The following PUDP variants were observed in gnomAD, a reference collection of about 807,000 sequenced individuals.
The protein encoded by PUDP is pseudouridine 5'-phosphatase.
A neutral mutation model predicts 9.4 loss-of-function variants in PUDP; 8 were observed. The ratio of observed to expected loss-of-function variants is 0.85; its 90% CI spans 0.50 to 1.53. PUDP has a LOEUF of 1.53. Among genes scored for constraint, PUDP ranks in the 40% most tolerant of loss-of-function variants. The pLI is 0.00. For synonymous variants in PUDP, 99 were observed against 80.7 expected (o/e 1.23, Z -1.22); for missense variants, 188 against 189.7 (o/e 0.99, Z 0.05).
In PUDP at chrX:7,049,418, A is replaced by C. The variant is rs1289973858; in HGVS notation, c.*878T>G. The C allele has an allele frequency of 2.7e-5, 3 of 112,723 alleles. No individual in the cohort carries two copies. The highest frequency in any genetic ancestry group is 9.7e-5 in the African/African-American group (3 of 30,932). The allele number at this position is 112,723 out of a possible 1,213,427, so 9.3% of individuals were successfully genotyped here. On this transcript the variant is annotated 3_prime_UTR_variant, in exon 4 of 4. Coordinates refer to ENST00000381077, the MANE Select transcript of PUDP (RefSeq NM_012080.5). The stretch of plus-strand genomic sequence containing the variant: ...GAAATCAAATTCTATTTCTATCCAA[A>C]AAGTGCAGCCCATCAGTGTTCTTAA...
rs771195956 is a variant in PUDP at position 6,876,862 on chromosome X, TAC to T, written c.*247+100269_*247+100270del. ...ATATATACATATAGACATATGTGTA[TAC>T]ACACACATATAAATATAGACACATA... On this transcript the variant is annotated intron_variant and NMD_transcript_variant, in intron 3 of 3. Transcript: ENST00000655425. Among the ~76,000 whole-genome samples the T allele has an allele frequency of 3.6e-5, 4 of 110,549 alleles. No homozygotes were observed. The South Asian group carries it at 1.1e-3, about 32-fold the overall frequency.
chrX:6,711,992 G>A (rs1469298030), intron 1 of PUDP, among the ~76,000 whole-genome samples: 3 of 111,926 alleles, frequency 2.7e-5, no homozygotes, highest in Admixed American at 9.4e-5. Context: ...CCTGGAGTCA[G>A]CATACTCGGG....
At chrX:7,065,300 C>T (rs555227602) in intron 3 of PUDP, among the ~76,000 whole-genome samples, 1 of 112,598 alleles carries the variant, frequency 8.9e-6, no homozygotes, top group African/African-American at 3.2e-5. Context: ...AAGATGCTTT[C>T]GAGTTTTTGT....
intron 3 of PUDP, among the ~76,000 whole-genome samples, chrX:6,821,093 C>A (rs1926334275): frequency 9.0e-6 from 1 of 111,029 alleles, no homozygotes; most frequent in South Asian, 3.9e-4. Flanking sequence ...AGTTCCAACC[C>A]TGCCAAGGGT....
At chrX:7,067,834 G>A (rs1291091770) in intron 3 of PUDP, among the ~76,000 whole-genome samples, 1 of 111,584 alleles carries the variant, frequency 9.0e-6, no homozygotes, top group Non-Finnish European at 1.9e-5. Flanking sequence ...TCGGTGGAAG[G>A]TAATTGAATC....
intron 3 of PUDP, among the ~76,000 whole-genome samples, chrX:6,726,820 G>A (rs1306859378): frequency 9.0e-6 from 1 of 111,239 alleles, no homozygotes; most frequent in Non-Finnish European, 1.9e-5. Flanking sequence ...AATTGAAGTC[G>A]ATTCATTTAA....
At chrX:6,961,881 C>T (rs962092703) in intron 3 of PUDP, among the ~76,000 whole-genome samples, 3 of 111,788 alleles carry the variant, frequency 2.7e-5, no homozygotes, top group Non-Finnish European at 5.6e-5. Flanking sequence ...CTTCTTTATG[C>T]TAAGAAAGAA....
chrX:7,063,145 T>C (rs1035981051), intron 3 of PUDP, among the ~76,000 whole-genome samples: 1 of 111,417 alleles, frequency 9.0e-6, no homozygotes, highest in Non-Finnish European at 1.9e-5. Flanking sequence ...AACAACACCA[T>C]ACAAATGAAT....
intron 3 of PUDP, among the ~76,000 whole-genome samples, chrX:6,809,605 C>G (rs953365919): frequency 4.5e-5 from 5 of 110,696 alleles, no homozygotes; most frequent in African/African-American, 1.6e-4. Flanking sequence ...CCCTATATGC[C>G]TTTTTAAAAT....
At chrX:6,912,495 T>A (rs1162152529) in intron 3 of PUDP, among the ~76,000 whole-genome samples, 1 of 112,130 alleles carries the variant, frequency 8.9e-6, no homozygotes, top group Non-Finnish European at 1.9e-5. Context: ...ATTTTCCCTC[T>A]TCCTGGCTGT....
intron 3 of PUDP, among the ~76,000 whole-genome samples, chrX:6,788,207 A>G (rs1196736767): frequency 2.7e-5 from 3 of 112,146 alleles, no homozygotes; most frequent in Non-Finnish European, 5.6e-5. Flanking sequence ...GACAGTATTC[A>G]ATAAGTTACA....
Position 6,858,637 on chromosome X carries a change from ATAAAAC to A in PUDP, c.*247+118490_*247+118495del, listed in dbSNP as rs748413250. ...ACCCAGCCTATGTGTATCCTTTGTA[ATAAAAC>A]TATAACTGTTAAGTATAGTACTTCC... On this transcript the variant is annotated intron_variant and NMD_transcript_variant, in intron 3 of 3. Transcript: ENST00000655425. Among the ~76,000 whole-genome samples the A allele has an allele frequency of 3.1e-3, 342 of 111,831 alleles. 1 individual carries two copies. Among genetic ancestry groups the A allele is most frequent in the African/African-American group, 0.011 (330 of 30,825 alleles).
At chrX:7,117,204 C>T (rs1268217985) in intron 1 of PUDP, among the ~76,000 whole-genome samples, 1 of 111,821 alleles carries the variant, frequency 8.9e-6, no homozygotes, top group Non-Finnish European at 1.9e-5. Context: ...GGGTAACAGG[C>T]AGAGGTTGGA....
intron 3 of PUDP, among the ~76,000 whole-genome samples, chrX:6,934,844 T>C (rs1282116632): frequency 3.2e-5 from 3 of 92,413 alleles, no homozygotes; most frequent in African/African-American, 1.2e-4. Context: ...TAGTCTCTGA[T>C]GAAACAGACT....
At chrX:6,795,746 T>C (rs1925833897) in intron 3 of PUDP, among the ~76,000 whole-genome samples, 1 of 111,664 alleles carries the variant, frequency 9.0e-6, no homozygotes, top group Non-Finnish European at 1.9e-5. Flanking sequence ...CTGGTTGCAA[T>C]ACAGGCAGAA....
chrX:6,771,309 T>C (rs1043785953), intron 3 of PUDP, among the ~76,000 whole-genome samples: 3 of 112,225 alleles, frequency 2.7e-5, no homozygotes, highest in African/African-American at 3.2e-5. Context: ...CTTTGCACGC[T>C]GGAATTATCT....
chrX:6,726,480 C>A (rs1924740009), upstream of PUDP, among the ~76,000 whole-genome samples: 1 of 111,719 alleles, frequency 9.0e-6, no homozygotes, highest in South Asian at 3.7e-4. Flanking sequence ...GATAGATATG[C>A]TAATTAACCT....
chrX:7,094,510 C>T (rs754921212), intron 2 of PUDP, among the ~76,000 whole-genome samples: 1 of 110,457 alleles, frequency 9.1e-6, no homozygotes, highest in African/African-American at 3.3e-5. Flanking sequence ...GCGCCTGCCA[C>T]CACACCCGGC....
intron 3 of PUDP, among the ~76,000 whole-genome samples, chrX:6,965,913 C>G (rs1467221069): frequency 1.8e-5 from 2 of 111,737 alleles, no homozygotes; most frequent in Admixed American, 1.9e-4. Context: ...CAAACAGACA[C>G]ATTTATAGAT....
Sources: gnomAD v4.1 joint callset for allele counts (sites outside exome capture counted in the v4.1 genomes callset) on GRCh38, gnomAD v4.1.1 for gene constraint, MANE v1.5 for transcripts, NCBI Gene and HGNC (gene_info 2026-07-23, HGNC 2026-07-21) for gene names.